Variants in SMCHD1 observed in about 807,000 individuals in gnomAD.
SMCHD1 encodes structural maintenance of chromosomes flexible hinge domain-containing protein 1.
SMCHD1 carries 78 observed loss-of-function variants against 254.7 expected under a neutral mutation model. That is an observed-to-expected ratio of 0.31 (90% CI 0.26 to 0.37). SMCHD1 has a LOEUF of 0.37. Among genes scored for constraint, SMCHD1 ranks in the 10% least tolerant of loss-of-function variants. SMCHD1 has a pLI of 1.00. For synonymous variants in SMCHD1, 766 were observed against 794.9 expected (o/e 0.96, Z 0.61); for missense variants, 1,840 against 2,408.1 (o/e 0.76, Z 4.94).
intron 36 of SMCHD1, 141 bp from the exon 37 acceptor site, chr18:2,763,491 AGAACT>A: frequency 1.6e-6 from 1 of 618,092 alleles, no homozygotes; most frequent in Non-Finnish European, 2.5e-6. Context: ...ACTCAAACTT[AGAACT>A]GAATTTTGTG....
chr18:2,708,406 A>G lies in SMCHD1; in HGVS notation c.2260+486A>G, dbSNP rs369535734. Among the ~76,000 whole-genome samples, 209 of 152,146 alleles carry G rather than the reference A, an allele frequency of 1.4e-3. 3 individuals are homozygous for G. Among genetic ancestry groups the G allele is most frequent in the Middle Eastern group, 0.014 (4 of 294 alleles). On this transcript the variant is annotated intron_variant, in intron 17 of 47. Coordinates refer to ENST00000320876, the MANE Select transcript of SMCHD1 (RefSeq NM_015295.3). ...CAGCTGGGCTTGGTGGCACGAGCCT[A>G]TATAGTCCCAGCTACTCGGAAGGCT...
At chr18:2,752,441 AT>A in intron 33 of SMCHD1, 46 bp from the exon 34 acceptor site, 5 of 1,261,490 alleles carry the variant, frequency 4.0e-6, no homozygotes, top group Non-Finnish European at 4.6e-6. Flanking sequence ...ACTATGTTAA[AT>A]TTTGTCATTT....
At chr18:2,773,157 G>A (rs1018598615) in intron 41 of SMCHD1, among the ~76,000 whole-genome samples, 7 of 152,088 alleles carry the variant, frequency 4.6e-5, no homozygotes, top group Admixed American at 1.3e-4. Flanking sequence ...CCAAAACCGT[G>A]TTACGTTATT....
At chr18:2,681,239 G>A (rs890577829) in intron 5 of SMCHD1, among the ~76,000 whole-genome samples, 3 of 151,840 alleles carry the variant, frequency 2.0e-5, no homozygotes, top group Non-Finnish European at 2.9e-5. Context: ...ATGGCGAAAC[G>A]CTGTCTCTAC....
intron 1 of SMCHD1, among the ~76,000 whole-genome samples, chr18:2,662,115 C>T (rs554365291): frequency 1.7e-4 from 24 of 137,422 alleles, no homozygotes; most frequent in African/African-American, 6.4e-4. Flanking sequence ...GCCGAGATTG[C>T]GCCACTGCAG....
In SMCHD1 at chr18:2,804,910, A is replaced by T. The variant is rs886966437; in HGVS notation, c.*2358A>T. 6.6e-6 allele frequency: 1 copy of T among 152,236 alleles called. No homozygotes were observed. The highest frequency in any genetic ancestry group is 6.5e-5 in the Admixed American group (1 of 15,290). The allele number at this position is 152,236 out of a possible 1,614,324, so 9.4% of individuals were successfully genotyped here. The stretch of plus-strand genomic sequence containing the variant: ...ATAATCTGAAATTTGTCACAATGTT[A>T]CAATCAGGAAGTTTTTTTTCTGGTT... On this transcript the variant is annotated 3_prime_UTR_variant, in exon 48 of 48. Transcript: ENST00000320876.
chr18:2,754,817 T>G (rs2075642054), intron 34 of SMCHD1, among the ~76,000 whole-genome samples: 1 of 139,288 alleles, frequency 7.2e-6, no homozygotes, highest in African/African-American at 2.7e-5. Context: ...CAGTTATACG[T>G]GGAATTGATT....
At chr18:2,722,197 G>A (rs1248772664) in intron 19 of SMCHD1, among the ~76,000 whole-genome samples, 1 of 152,044 alleles carries the variant, frequency 6.6e-6, no homozygotes, top group East Asian at 1.9e-4. Flanking sequence ...GGTGGCTCAC[G>A]CCTGGGGAGG....
chr18:2,747,191 A>G (rs1373370248), intron 29 of SMCHD1, among the ~76,000 whole-genome samples: 8 of 152,216 alleles, frequency 5.3e-5, no homozygotes, highest in Non-Finnish European at 1.5e-5. Context: ...TTTCAAGTGT[A>G]TGCTTAGGTT....
Position 2,771,572 on chromosome 18 carries a change from G to T in SMCHD1, c.5006G>T (p.Arg1669Leu), listed in dbSNP as rs368367743. Residue 1669 changes from arginine (R) to leucine (L), a missense_variant, in exon 40 of 48, where the codon CGA becomes CTA. Arg to Leu is a moderately radical substitution (Grantham distance 102, BLOSUM62 -2). Around this residue, in one of 9 missense-constraint regions of SMCHD1, gnomAD observed 881 missense variants for 1,009.5 expected, o/e 0.87. Transcript: ENST00000320876. ...GCAAGATTAAAAGAGGCCCAATTGC[G>T]AAATGAACTAAAAATACATAATATT... ...EEARLKEAQL[R>L]NELKIHNIDI... 7 of 1,565,646 alleles carry T rather than the reference G, an allele frequency of 4.5e-6. No homozygotes were observed. Among genetic ancestry groups the T allele is most frequent in the Admixed American group, 4.3e-5 (2 of 46,052 alleles).
At chr18:2,775,470 TGAGAA>T (rs964178223) in intron 41 of SMCHD1, among the ~76,000 whole-genome samples, 54 of 152,210 alleles carry the variant, frequency 3.5e-4, no homozygotes, top group Middle Eastern at 3.4e-3. Context: ...CTGAACGGTC[TGAGAA>T]AAGAAGGAAA....
At chr18:2,674,317 A>G (rs923898423) in intron 5 of SMCHD1, among the ~76,000 whole-genome samples, 172 bp downstream of exon 5, 3 of 152,202 alleles carry the variant, frequency 2.0e-5, no homozygotes, top group African/African-American at 4.8e-5. Context: ...AAATAGAACT[A>G]TGTAATATTG....
intron 5 of SMCHD1, among the ~76,000 whole-genome samples, chr18:2,677,900 T>C (rs1258110484): frequency 6.6e-6 from 1 of 152,188 alleles, no homozygotes; most frequent in African/African-American, 2.4e-5. Context: ...ATTACAGAAG[T>C]GAGCCACCGC....
chr18:2,760,593 G>A, intron 34 of SMCHD1, 59 bp from the exon 35 acceptor site: 1 of 941,840 alleles, frequency 1.1e-6, no homozygotes, highest in Non-Finnish European at 1.7e-6. Context: ...TTGACTCTTT[G>A]AATTCCTTCC....
chr18:2,695,895 C>G, intron 8 of SMCHD1, among the ~76,000 whole-genome samples: 1 of 151,858 alleles, frequency 6.6e-6, no homozygotes. Flanking sequence ...CCCTGTTACC[C>G]AAGGTATTTA....
chr18:2,775,704 A>AT, intron 41 of SMCHD1, 30 bp from the exon 42 acceptor site: 1 of 1,570,766 alleles, frequency 6.4e-7, no homozygotes, highest in South Asian at 1.2e-5. Context: ...TGGATTTTAT[A>AT]TTTTTTTACT....
At chr18:2,696,548 A>G (rs2074289495) in intron 8 of SMCHD1, among the ~76,000 whole-genome samples, 1 of 152,174 alleles carries the variant, frequency 6.6e-6, no homozygotes, top group Non-Finnish European at 1.5e-5. Context: ...CTTCCATGAA[A>G]CTGGTTTTGG....
intron 2 of SMCHD1, among the ~76,000 whole-genome samples, 186 bp downstream of exon 2, chr18:2,666,418 A>T (rs1384876539): frequency 2.0e-5 from 3 of 152,244 alleles, no homozygotes; most frequent in Non-Finnish European, 4.4e-5. Flanking sequence ...AAGCTTGATT[A>T]TAGAAAAATA....
chr18:2,683,727 C>A (rs2073980297), intron 5 of SMCHD1, among the ~76,000 whole-genome samples: 1 of 152,092 alleles, frequency 6.6e-6, no homozygotes, highest in Non-Finnish European at 1.5e-5. Flanking sequence ...GATTGTTATG[C>A]CTTCTGTGCC....
Sources: gnomAD v4.1 joint callset for allele counts (sites outside exome capture counted in the v4.1 genomes callset) on GRCh38, gnomAD v4.1.1 for gene constraint, gnomAD v4.1.1 regional missense constraint, MANE v1.5 for transcripts, NCBI Gene and HGNC (gene_info 2026-07-23, HGNC 2026-07-21) for gene names.